The following CD300C variants were observed in gnomAD, a reference collection of about 807,000 sequenced individuals.
CD300C encodes the protein CD300c molecule.
Under a neutral mutation model 18.4 loss-of-function variants are expected in CD300C, and 11 were observed. The ratio of observed to expected loss-of-function variants is 0.60; its 90% confidence interval spans 0.38 to 0.99. The LOEUF (loss-of-function observed/expected upper bound fraction) is 0.99. Ranked by LOEUF, CD300C falls within the 50% of genes least tolerant of loss-of-function variation. CD300C has a pLI of 0.01. For synonymous variants in CD300C, 116 were observed against 116.3 expected, an observed-to-expected ratio of 1.00 and a Z score of 0.02; for missense variants, 277 against 287.4, an observed-to-expected ratio of 0.96 and a Z score of 0.26.
downstream of CD300C, among the ~76,000 whole-genome samples, chr17:74,540,936 G>A (rs770316685): frequency 8.5e-5 from 13 of 152,152 alleles, no homozygotes; most frequent in Non-Finnish European, 1.6e-4. Flanking sequence ...TCTACCTGAA[G>A]GAGGGAATAG....
At chr17:74,542,532 C>T (rs983740904) in intron 3 of CD300C, among the ~76,000 whole-genome samples, 6 of 152,270 alleles carry the variant, frequency 3.9e-5, no homozygotes, top group Non-Finnish European at 8.8e-5. Flanking sequence ...AACACCTGCA[C>T]ACGCTCTCCC....
At position 74,541,574 on chromosome 17, in the gene CD300C, G is replaced by A; in HGVS notation, c.*15C>T. On this transcript the variant is annotated 3_prime_UTR_variant, in exon 4 of 4. Coordinates refer to ENST00000330793, the MANE Select transcript of CD300C (RefSeq NM_006678.5). ...GGGCTCTGTTGCAGCACAGGGCCTT[G>A]ATGGACAGCAGATGCTACTGGTTCT... The A allele has an allele frequency of 6.3e-7, 1 of 1,593,748 alleles. No individual in the cohort carries two copies.
At chr17:74,541,819 C>G in intron 3 of CD300C, 83 bp from the exon 4 acceptor site, 2 of 1,489,978 alleles carry the variant, frequency 1.3e-6, no homozygotes, top group Non-Finnish European at 1.8e-6. Context: ...CCCTTGTGTC[C>G]CAATCCTGTG....
chr17:74,543,428 G>A (rs1908630954), intron 2 of CD300C, among the ~76,000 whole-genome samples: 1 of 152,240 alleles, frequency 6.6e-6, no homozygotes, highest in Non-Finnish European at 1.5e-5. Context: ...TGGGACCCGA[G>A]TCCACTCAGC....
At chr17:74,543,210 A>G (rs1419356634) in intron 2 of CD300C, among the ~76,000 whole-genome samples, 2 of 152,194 alleles carry the variant, frequency 1.3e-5, no homozygotes, top group African/African-American at 4.8e-5. Context: ...TTCAGATGTG[A>G]GAGCTGCCCT....
chr17:74,541,361 A>G lies in CD300C; in HGVS notation c.*228T>C. 2.1e-6 allele frequency: 1 copy of G among 485,586 alleles called. No homozygotes were observed. Among genetic ancestry groups the G allele is most frequent in the Non-Finnish European group, 3.8e-6 (1 of 264,416 alleles). 30.1% of individuals were successfully genotyped at this position (485,586 alleles called of 1,614,324 possible). On this transcript the variant is annotated 3_prime_UTR_variant, in exon 4 of 4. Coordinates refer to ENST00000330793, the MANE Select transcript of CD300C (RefSeq NM_006678.5). ...AGGTATTGCTGACGGCCCGAGGCTT[A>G]GCTGGCCGGGGCGTGCACATGAGAC...
rs775979091 is a variant in CD300C at position 74,541,773 on chromosome 17, C to G, written c.528-37G>C. On this transcript the variant is annotated intron_variant, in intron 3 of 3. Transcript: ENST00000330793. ...CGGTGACAGGCAGTGAGTCACCTCC[C>G]CAGGGGAGGCCCAGGTGCCCTCCAC... is the stretch of plus-strand genomic sequence containing the variant. 8 of 1,588,852 alleles carry G rather than the reference C, an allele frequency of 5.0e-6. No individual in the cohort carries two copies. The South Asian group carries it at 6.8e-5, about 13-fold the overall frequency.
chr17:74,534,780 C>T, the CD300C span, among the ~76,000 whole-genome samples: 1 of 152,076 alleles, frequency 6.6e-6, no homozygotes, highest in South Asian at 2.1e-4. Flanking sequence ...AAGAAGAAAA[C>T]CCACATAATC....
chr17:74,540,348 C>T (rs971159111), downstream of CD300C, among the ~76,000 whole-genome samples: 4 of 152,200 alleles, frequency 2.6e-5, no homozygotes, highest in African/African-American at 9.7e-5. Context: ...GCTCTTTTCA[C>T]CTCTGTCTTT....
downstream of CD300C, among the ~76,000 whole-genome samples, chr17:74,536,281 A>G (rs1283276422): frequency 6.6e-6 from 1 of 152,180 alleles, no homozygotes; most frequent in Admixed American, 6.5e-5. Flanking sequence ...GTAACTAACA[A>G]AAGACTTGCA....
downstream of CD300C, among the ~76,000 whole-genome samples, chr17:74,539,877 A>G (rs191618592): frequency 4.6e-5 from 7 of 152,336 alleles, no homozygotes; most frequent in East Asian, 1.2e-3. Flanking sequence ...TAGCTCATGG[A>G]GAACCAGGGC....
chr17:74,542,709 A>G, intron 3 of CD300C, 152 bp downstream of exon 3: 1 of 927,536 alleles, frequency 1.1e-6, no homozygotes, highest in Non-Finnish European at 1.6e-6. Flanking sequence ...CCAATCCCAA[A>G]AGGAGCGCCT....
rs949765922 is a variant in CD300C, at chr17:74,541,417, G to C, written c.*172C>G. The C allele has an allele frequency of 1.6e-6, 1 of 636,240 alleles. No individual in the cohort carries two copies. Among genetic ancestry groups the C allele is most frequent in the African/African-American group, 1.8e-5 (1 of 55,284 alleles). 39.4% of individuals were successfully genotyped at this position (636,240 alleles called of 1,614,324 possible). A position where few individuals can be genotyped will look rare whatever the true frequency, so the allele number is the denominator to read the frequency against. ...CTCACAGCTCAGGGCGTCCATGTCCGTCAGGTTCACATGTGACACATGAGG... is the reference window on the plus strand; with the variant it reads ...CTCACAGCTCAGGGCGTCCATGTCCCTCAGGTTCACATGTGACACATGAGG... On this transcript the variant is annotated 3_prime_UTR_variant, in exon 4 of 4. Coordinates refer to ENST00000330793, the MANE Select transcript of CD300C (RefSeq NM_006678.5).
At chr17:74,543,195 A>G (rs1400028226) in intron 2 of CD300C, among the ~76,000 whole-genome samples, 1 of 152,220 alleles carries the variant, frequency 6.6e-6, no homozygotes, top group East Asian at 1.9e-4. Flanking sequence ...GAGCCAGGAC[A>G]CCATTTCAGA....
At chr17:74,537,818 G>C (rs535552615), downstream of CD300C, among the ~76,000 whole-genome samples, 2 of 151,926 alleles carry the variant, frequency 1.3e-5, no homozygotes, top group Non-Finnish European at 2.9e-5. Flanking sequence ...TGAGCCAGGT[G>C]CTGTGGTGCA....
At chr17:74,536,299 T>C (rs1212488509), downstream of CD300C, among the ~76,000 whole-genome samples, 2 of 152,020 alleles carry the variant, frequency 1.3e-5, no homozygotes, top group Admixed American at 1.3e-4. Flanking sequence ...GCAAAGAACT[T>C]CTACCAATTG....
chr17:74,545,356 G>A (rs1359637138), intron 1 of CD300C, among the ~76,000 whole-genome samples: 1 of 151,798 alleles, frequency 6.6e-6, no homozygotes, highest in Non-Finnish European at 1.5e-5. Flanking sequence ...GACTGTGTGA[G>A]TGTGACTGTG....
Position 74,541,522 on chromosome 17 carries a change from T to G in CD300C, c.*67A>C. On this transcript the variant is annotated 3_prime_UTR_variant, in exon 4 of 4. Coordinates refer to ENST00000330793, the MANE Select transcript of CD300C (RefSeq NM_006678.5). The stretch of plus-strand genomic sequence containing the variant: ...GAGAGAGCAGCCCGGGAGGGAGTGG[T>G]CAGGAGGTCATTCCAGTCCCCCAGA... The G allele has an allele frequency of 2.8e-6, 3 of 1,085,838 alleles. No individual in the cohort carries two copies. Among genetic ancestry groups the G allele is most frequent in the Non-Finnish European group, 4.3e-6 (3 of 700,820 alleles). The allele number at this position is 1,085,838 out of a possible 1,614,324, so 67.3% of individuals were successfully genotyped here.
chr17:74,545,850 C>T lies in CD300C; in HGVS notation c.-68G>A, dbSNP rs1908743490. 1.6e-6 allele frequency: 2 copies of T among 1,243,124 alleles called. No homozygotes were observed. Among genetic ancestry groups the T allele is most frequent in the East Asian group, 2.4e-5 (1 of 40,868 alleles). The allele number at this position is 1,243,124 out of a possible 1,614,324, so 77.0% of individuals were successfully genotyped here. ...GAGGGGACAAAATGTAATCTCCTCC[C>T]AGCAGATCTGAGCTTCGCTTCTGCT... On this transcript the variant is annotated 5_prime_UTR_variant, in exon 1 of 4. Coordinates refer to ENST00000330793, the MANE Select transcript of CD300C (RefSeq NM_006678.5).
Sources: allele counts gnomAD v4.1 joint callset (sites outside exome capture counted in the v4.1 genomes callset), GRCh38; gene constraint gnomAD v4.1.1; transcripts MANE v1.5; gene names NCBI Gene and HGNC (gene_info 2026-07-23, HGNC 2026-07-21).